Variants in MAGI1 observed in about 807,000 individuals in gnomAD.
The protein encoded by MAGI1 is membrane-associated guanylate kinase, WW and PDZ domain-containing protein 1.
MAGI1 carries 58 observed loss-of-function variants against 139.9 expected under a neutral mutation model. That is an observed-to-expected ratio of 0.41 (90% CI 0.34 to 0.52). MAGI1 has a LOEUF of 0.52. Ranked by LOEUF, MAGI1 falls within the 20% of genes least tolerant of loss-of-function variation. The pLI is 0.12. For synonymous variants in MAGI1, 812 were observed against 737.9 expected (o/e 1.10, Z -1.63); for missense variants, 1,874 against 1,901.6 (o/e 0.99, Z 0.27).
chr3:65,480,761 T>A (rs1951231737), intron 3 of MAGI1, among the ~76,000 whole-genome samples: 1 of 151,870 alleles, frequency 6.6e-6, no homozygotes, highest in Admixed American at 6.6e-5. Flanking sequence ...AACTTTTTTG[T>A]ATTTTTAGTA....
Position 65,478,678 on chromosome 3 carries a change from G to C in MAGI1, c.671C>G (p.Ser224Cys). The change falls in exon 4 of 23, where the codon TCC becomes TGC. Residue 224 changes from serine to cysteine, a missense_variant. Physicochemically the swap from Ser to Cys is moderately radical, Grantham distance 112 (BLOSUM62 -1). This residue lies in a region of MAGI1 where 648 missense variants were observed against 598.1 expected (regional missense o/e 1.08). Coordinates refer to ENST00000402939, the MANE Select transcript of MAGI1 (RefSeq NM_001033057.2). ...GCCAGCATTTTGCATATCATTGTAG[G>C]ACTTGGTTCGCTTCGGGGTCGACTG... ...SKQSTPKRTK[S>C]YNDMQNAGIV... 3 of 1,613,998 alleles carry C rather than the reference G, an allele frequency of 1.9e-6. No individual in the cohort carries two copies. Among genetic ancestry groups the C allele is most frequent in the Non-Finnish European group, 2.5e-6 (3 of 1,179,984 alleles).
At chr3:65,914,815 A>C (rs1386383590) in intron 1 of MAGI1, among the ~76,000 whole-genome samples, 1 of 152,246 alleles carries the variant, frequency 6.6e-6, no homozygotes, top group Admixed American at 6.5e-5. Flanking sequence ...ACTGTACAAC[A>C]GAGTTCAATT....
At chr3:65,400,748 T>A (rs1025110097) in intron 13 of MAGI1, among the ~76,000 whole-genome samples, 7 of 113,442 alleles carry the variant, frequency 6.2e-5, no homozygotes, top group Admixed American at 2.0e-4. Flanking sequence ...AGCAAAACAT[T>A]GATTTTTTTT....
chr3:65,700,449 CAAAAT>C (rs2089517016), intron 1 of MAGI1, among the ~76,000 whole-genome samples: 1 of 144,822 alleles, frequency 6.9e-6, no homozygotes, highest in African/African-American at 2.7e-5. Flanking sequence ...GACTCCATCT[CAAAAT>C]AAATAAATAA....
intron 1 of MAGI1, among the ~76,000 whole-genome samples, chr3:65,666,999 T>C (rs2086574840): frequency 6.6e-6 from 1 of 152,184 alleles, no homozygotes; most frequent in African/African-American, 2.4e-5. Flanking sequence ...CTGGGAAAGA[T>C]GAGCATGAGA....
At chr3:65,958,798 C>G (rs935966859) in intron 1 of MAGI1, among the ~76,000 whole-genome samples, 3 of 152,110 alleles carry the variant, frequency 2.0e-5, no homozygotes, top group Non-Finnish European at 4.4e-5. Context: ...ACCAGCCTAG[C>G]CAACATGGTG....
chr3:65,556,382 T>C (rs951090358), intron 2 of MAGI1, among the ~76,000 whole-genome samples: 3 of 152,236 alleles, frequency 2.0e-5, no homozygotes, highest in Non-Finnish European at 2.9e-5. Flanking sequence ...CTGGTCCCCA[T>C]GCCCTGAACC....
chr3:65,795,725 A>T (rs1012892418), intron 1 of MAGI1, among the ~76,000 whole-genome samples: 1 of 150,916 alleles, frequency 6.6e-6, no homozygotes, highest in Non-Finnish European at 1.5e-5. Context: ...ACACACACAC[A>T]CGGAGAGAGA....
chr3:65,991,502 A>G (rs1289540808), intron 1 of MAGI1, among the ~76,000 whole-genome samples: 1 of 152,040 alleles, frequency 6.6e-6, no homozygotes, highest in African/African-American at 2.4e-5. Flanking sequence ...ACAGAACCAG[A>G]CGTCGCTTTT....
intron 1 of MAGI1, among the ~76,000 whole-genome samples, chr3:65,871,125 A>G (rs990274076): frequency 6.6e-6 from 1 of 151,930 alleles, no homozygotes; most frequent in Admixed American, 6.6e-5. Flanking sequence ...TTTTCTAGAG[A>G]TGGTGTCTCA....
At chr3:65,863,019 CCT>C (rs1338109186) in intron 1 of MAGI1, among the ~76,000 whole-genome samples, 1 of 152,202 alleles carries the variant, frequency 6.6e-6, no homozygotes. Context: ...TCTCCAAGCC[CCT>C]TTCTCACCAT....
At chr3:65,726,213 T>C (rs1014135231) in intron 1 of MAGI1, among the ~76,000 whole-genome samples, 1 of 152,202 alleles carries the variant, frequency 6.6e-6, no homozygotes, top group South Asian at 2.1e-4. Context: ...ATTTAAGCTA[T>C]GCCACCTGGA....
At chr3:65,959,298 C>G (rs1234741178) in intron 1 of MAGI1, among the ~76,000 whole-genome samples, 1 of 152,160 alleles carries the variant, frequency 6.6e-6, no homozygotes, top group East Asian at 1.9e-4. Context: ...AGACATTATT[C>G]CTTTCCTACT....
chr3:65,415,918 A>T (rs1223601913), intron 12 of MAGI1, among the ~76,000 whole-genome samples: 1 of 152,200 alleles, frequency 6.6e-6, no homozygotes, highest in Non-Finnish European at 1.5e-5. Context: ...TGATTTGCAG[A>T]TGCAGACAAA....
At chr3:66,037,345 G>C (rs1576548351) in intron 1 of MAGI1, among the ~76,000 whole-genome samples, 1 of 151,992 alleles carries the variant, frequency 6.6e-6, no homozygotes. Flanking sequence ...GGTAAACTTG[G>C]ACCCGATTCG....
chr3:65,556,111 T>C (rs1388894273), intron 2 of MAGI1, among the ~76,000 whole-genome samples: 1 of 152,074 alleles, frequency 6.6e-6, no homozygotes, highest in African/African-American at 2.4e-5. Flanking sequence ...AACAGAGAAA[T>C]AGAGACCTGA....
chr3:65,967,399 G>GA (rs890386969), intron 1 of MAGI1, among the ~76,000 whole-genome samples: 7 of 151,904 alleles, frequency 4.6e-5, no homozygotes, highest in South Asian at 2.1e-4. Flanking sequence ...GAAGCGTACT[G>GA]AAAAAAAAGG....
At chr3:65,811,930 G>A (rs1212328604) in intron 1 of MAGI1, among the ~76,000 whole-genome samples, 5 of 952 alleles carry the variant, frequency 5.3e-3, no homozygotes, top group Non-Finnish European at 0.036. Context: ...ATGTTTACGT[G>A]TGTGTGTGTG....
At chr3:65,370,824 G>GT (rs1190722000) in intron 18 of MAGI1, among the ~76,000 whole-genome samples, 2 of 152,136 alleles carry the variant, frequency 1.3e-5, no homozygotes, top group Non-Finnish European at 2.9e-5. Context: ...CTAGCTAATT[G>GT]TTTTGAATTT....
Sources: gnomAD v4.1 joint callset for allele counts (sites outside exome capture counted in the v4.1 genomes callset) on GRCh38, gnomAD v4.1.1 for gene constraint, gnomAD v4.1.1 regional missense constraint, MANE v1.5 for transcripts, NCBI Gene and HGNC (gene_info 2026-07-23, HGNC 2026-07-21) for gene names.